ITGA9: variants seen among roughly 807,000 people sequenced by gnomAD.
The protein encoded by ITGA9 is integrin subunit alpha 9.
Under a neutral mutation model 127.8 loss-of-function variants are expected in ITGA9, and 56 were observed. The ratio of observed to expected loss-of-function variants is 0.44; its 90% CI spans 0.35 to 0.55. The LOEUF is 0.55. ITGA9 is among the 20% of genes least tolerant of loss of function. The pLI is 0.00. For synonymous variants in ITGA9, 508 were observed against 514.5 expected (o/e 0.99, Z 0.17); for missense variants, 1,196 against 1,347.1 (o/e 0.89, Z 1.76).
chr3:37,703,872 C>G (rs904705148), intron 18 of ITGA9, among the ~76,000 whole-genome samples: 2 of 152,120 alleles, frequency 1.3e-5, no homozygotes, highest in Admixed American at 6.5e-5. Context: ...CATGGCTTAG[C>G]AAGCTTAAGG....
At chr3:37,487,702 A>G (rs1364107294) in intron 4 of ITGA9, among the ~76,000 whole-genome samples, 1 of 152,172 alleles carries the variant, frequency 6.6e-6, no homozygotes, top group Non-Finnish European at 1.5e-5. Context: ...TGAAGGTCAC[A>G]GGCTTATTAG....
At chr3:37,654,860 A>C (rs1700462714) in intron 17 of ITGA9, among the ~76,000 whole-genome samples, 1 of 151,120 alleles carries the variant, frequency 6.6e-6, no homozygotes, top group Non-Finnish European at 1.5e-5. Context: ...CACCCCTGAC[A>C]GGCCCCGGTG....
At chr3:37,683,744 G>T (rs1700754985) in intron 17 of ITGA9, 121 bp from the exon 18 acceptor site, 2 of 976,078 alleles carry the variant, frequency 2.0e-6, no homozygotes, top group East Asian at 2.6e-5. Flanking sequence ...TAGTTAATGG[G>T]GCTCCTGGAA....
chr3:37,660,008 A>ACG (rs1700518380), intron 17 of ITGA9, among the ~76,000 whole-genome samples: 1 of 130,418 alleles, frequency 7.7e-6, no homozygotes, highest in African/African-American at 2.9e-5. Flanking sequence ...ACACACGCAC[A>ACG]CACACACACA....
chr3:37,721,781 T>G (rs778864605), intron 18 of ITGA9, among the ~76,000 whole-genome samples: 8 of 152,218 alleles, frequency 5.3e-5, no homozygotes, highest in Non-Finnish European at 1.0e-4. Flanking sequence ...AAGGATACTT[T>G]TAGTTTATCT....
At position 37,467,367 on chromosome 3, in the gene ITGA9, AAAT is replaced by A. The variant is rs570897187; in HGVS notation, c.186-3633_186-3631del. On this transcript the variant is annotated intron_variant, in intron 1 of 27. Transcript: ENST00000264741. ...CATTGAGTACCTTGGGCTTGGAAGG[AAAT>A]AATAATTCAGCAGGTTCCTTTCCAC... 2.7e-3 allele frequency among the ~76,000 whole-genome samples: 410 copies of A among 152,308 alleles called. 2 individuals are homozygous for A. The highest frequency in any genetic ancestry group is 4.3e-3 in the Non-Finnish European group (295 of 68,024).
intron 18 of ITGA9, among the ~76,000 whole-genome samples, chr3:37,685,984 C>T (rs1262010368): frequency 1.3e-5 from 2 of 152,094 alleles, no homozygotes; most frequent in Non-Finnish European, 2.9e-5. Flanking sequence ...TGTGGATTTA[C>T]CTTAAAAATT....
rs1697484194 is a variant in ITGA9, at chr3:37,819,417, G to A, written c.*428G>A. On this transcript the variant is annotated 3_prime_UTR_variant, in exon 28 of 28. Transcript: ENST00000264741. The stretch of plus-strand genomic sequence containing the variant: ...CACTGATATCTGGCCTAAAATCTTG[G>A]AAGTACATGTCCATGAATACAAATT... 1 of 162,206 alleles carries A rather than the reference G, an allele frequency of 6.2e-6. No individual in the cohort carries two copies. Among genetic ancestry groups the A allele is most frequent in the African/African-American group, 2.4e-5 (1 of 41,522 alleles). The allele number at this position is 162,206 out of a possible 1,614,324, so 10.0% of individuals were successfully genotyped here.
chr3:37,669,016 C>T (rs763026609), intron 17 of ITGA9, among the ~76,000 whole-genome samples: 6 of 152,212 alleles, frequency 3.9e-5, no homozygotes, highest in Admixed American at 6.5e-5. Context: ...TTGGGTTTAA[C>T]GTGACCTGTC....
chr3:37,512,052 CTTTCT>C lies in ITGA9; in HGVS notation c.898-1708_898-1704del, dbSNP rs1698921217. Reference sequence around the variant, plus strand: ...TCTTTCTTTCTTTCTTTCTTTCTTTCTTTCTTTCTTTCTTTCTTTCTTTCCTTCCT... The same window carrying C: ...TCTTTCTTTCTTTCTTTCTTTCTTTCTTCTTTCTTTCTTTCTTTCCTTCCT... On this transcript the variant is annotated intron_variant, in intron 8 of 27. Transcript: ENST00000264741. Among the ~76,000 whole-genome samples, 4 of 42,178 alleles carry C rather than the reference CTTTCT, an allele frequency of 9.5e-5. 1 individual carries two copies. The East Asian group carries it at 2.2e-3, about 24-fold the overall frequency. The allele number at this position is 42,178 out of a possible 152,430, so 27.7% of individuals were successfully genotyped here.
chr3:37,717,342 G>T (rs926904636), intron 18 of ITGA9, among the ~76,000 whole-genome samples: 1 of 152,200 alleles, frequency 6.6e-6, no homozygotes, highest in Non-Finnish European at 1.5e-5. Context: ...GGCAGTTTAT[G>T]AATGGTGTTT....
intron 14 of ITGA9, among the ~76,000 whole-genome samples, chr3:37,540,982 A>G (rs1198615078): frequency 6.6e-6 from 1 of 152,230 alleles, no homozygotes; most frequent in Non-Finnish European, 1.5e-5. Flanking sequence ...GCATGGCAAG[A>G]TCCCTGAGAT....
chr3:37,705,108 T>C (rs1357433599), intron 18 of ITGA9, among the ~76,000 whole-genome samples: 1 of 152,232 alleles, frequency 6.6e-6, no homozygotes, highest in East Asian at 1.9e-4. Context: ...GTTGGCTGGC[T>C]TGATCATGAG....
At chr3:37,708,536 G>A (rs1262732055) in intron 18 of ITGA9, among the ~76,000 whole-genome samples, 2 of 148,348 alleles carry the variant, frequency 1.3e-5, no homozygotes, top group Non-Finnish European at 3.0e-5. Context: ...TCTCAACCAA[G>A]GGTAATTTTG....
At chr3:37,756,996 A>G (rs1696660438) in intron 23 of ITGA9, among the ~76,000 whole-genome samples, 2 of 149,330 alleles carry the variant, frequency 1.3e-5, no homozygotes, top group South Asian at 4.1e-4. Flanking sequence ...TGTTCATATC[A>G]AAACCAATGG....
chr3:37,671,607 G>A (rs936343788), intron 17 of ITGA9, among the ~76,000 whole-genome samples: 6 of 152,088 alleles, frequency 3.9e-5, no homozygotes, highest in Non-Finnish European at 1.5e-5. Context: ...TGGCCCAGGT[G>A]GGTACCTATG....
At chr3:37,758,280 G>A (rs929088216) in intron 23 of ITGA9, among the ~76,000 whole-genome samples, 15 of 130,396 alleles carry the variant, frequency 1.2e-4, no homozygotes, top group African/African-American at 1.5e-4. Context: ...CCGAGATTGC[G>A]CCACTGCAGT....
intron 6 of ITGA9, among the ~76,000 whole-genome samples, chr3:37,504,846 G>A (rs1160802286): frequency 6.6e-6 from 1 of 152,152 alleles, no homozygotes; most frequent in African/African-American, 2.4e-5. Context: ...ATGTCATCGC[G>A]AAACTCAAAC....
intron 23 of ITGA9, among the ~76,000 whole-genome samples, chr3:37,758,392 G>A (rs139623764): frequency 0.014 from 2,137 of 147,508 alleles, 29 homozygotes; most frequent in Middle Eastern, 0.021. Context: ...ATATAGTCTG[G>A]GTAAAACAGG....
Sources: gnomAD v4.1 joint callset for allele counts (sites outside exome capture counted in the v4.1 genomes callset) on GRCh38, gnomAD v4.1.1 for gene constraint, MANE v1.5 for transcripts, NCBI Gene and HGNC (gene_info 2026-07-23, HGNC 2026-07-21) for gene names.